The following RAB10 variants were observed in gnomAD, a reference collection of about 807,000 sequenced individuals.
RAB10 encodes RAB10, member RAS oncogene family.
Under a neutral mutation model 25.7 loss-of-function variants are expected in RAB10, and 5 were observed. The ratio of observed to expected loss-of-function variants is 0.19; its 90% CI spans 0.10 to 0.41. The LOEUF (loss-of-function observed/expected upper bound fraction) is 0.41, where lower values mean the gene tolerates loss of function less well. Ranked by LOEUF, RAB10 falls within the 10% of genes least tolerant of loss-of-function variation. The pLI, the probability that RAB10 is intolerant of heterozygous loss-of-function variation, is 1.00. For missense variants in RAB10, 103 were observed against 245.8 expected (o/e 0.42, Z 3.89); for synonymous variants, 89 against 86.4 (o/e 1.03, Z -0.16).
At chr2:26,084,956 T>A (rs1232675143) in intron 1 of RAB10, among the ~76,000 whole-genome samples, 1 of 152,290 alleles carries the variant, frequency 6.6e-6, no homozygotes, top group East Asian at 1.9e-4. Context: ...GTATATTGCA[T>A]TGTACTAGAA....
At chr2:26,043,493 A>G (rs1665934496) in intron 1 of RAB10, among the ~76,000 whole-genome samples, 1 of 152,248 alleles carries the variant, frequency 6.6e-6, no homozygotes, top group Non-Finnish European at 1.5e-5. Context: ...ATTATGCACG[A>G]TAGCTGAAAG....
At chr2:26,037,787 G>A (rs905191097) in intron 1 of RAB10, among the ~76,000 whole-genome samples, 2 of 152,188 alleles carry the variant, frequency 1.3e-5, no homozygotes, top group Non-Finnish European at 2.9e-5. Flanking sequence ...TATAGAATAT[G>A]TGACTCTTCT....
At chr2:26,052,305 G>A (rs1666155537) in intron 1 of RAB10, among the ~76,000 whole-genome samples, 1 of 151,866 alleles carries the variant, frequency 6.6e-6, no homozygotes, top group Non-Finnish European at 1.5e-5. Flanking sequence ...TAGACTGCTT[G>A]AGCCTGGGAG....
At chr2:26,060,889 C>T (rs2149267020) in intron 1 of RAB10, among the ~76,000 whole-genome samples, 1 of 152,024 alleles carries the variant, frequency 6.6e-6, no homozygotes, top group East Asian at 1.9e-4. Flanking sequence ...GGCTACAGAG[C>T]TTCCATTTTG....
intron 1 of RAB10, among the ~76,000 whole-genome samples, chr2:26,063,298 C>T (rs1381418134): frequency 6.6e-6 from 1 of 152,150 alleles, no homozygotes; most frequent in Non-Finnish European, 1.5e-5. Context: ...TTTTCCCTTT[C>T]AGCTTTTTAT....
chr2:26,124,256 C>T (rs958890638), intron 3 of RAB10, among the ~76,000 whole-genome samples: 1 of 150,998 alleles, frequency 6.6e-6, no homozygotes, highest in Non-Finnish European at 1.5e-5. Context: ...GTTCAAGGGT[C>T]AACTGTATGT....
intron 5 of RAB10, among the ~76,000 whole-genome samples, chr2:26,131,287 TCA>T (rs911869458): frequency 2.0e-5 from 3 of 152,064 alleles, no homozygotes; most frequent in East Asian, 1.9e-4. Flanking sequence ...GAAAAAAAAA[TCA>T]CACACAACAA....
At chr2:26,093,896 T>C (rs530119426) in intron 1 of RAB10, among the ~76,000 whole-genome samples, 1 of 152,318 alleles carries the variant, frequency 6.6e-6, no homozygotes, top group African/African-American at 2.4e-5. Flanking sequence ...TTTTCTCATG[T>C]TTTTTATTTA....
intron 5 of RAB10, among the ~76,000 whole-genome samples, chr2:26,132,649 C>T (rs1668032384): frequency 6.6e-6 from 1 of 151,796 alleles, no homozygotes; most frequent in Non-Finnish European, 1.5e-5. Flanking sequence ...GGTTATTGGC[C>T]TTTTCTTATT....
intron 1 of RAB10, among the ~76,000 whole-genome samples, chr2:26,077,416 TTCA>T (rs975331565): frequency 3.9e-5 from 6 of 152,230 alleles, no homozygotes; most frequent in African/African-American, 1.4e-4. Context: ...TACTGTGGAA[TTCA>T]TCAGATTTCT....
At chr2:26,116,557 T>G (rs1409838721) in intron 3 of RAB10, among the ~76,000 whole-genome samples, 1 of 124,240 alleles carries the variant, frequency 8.0e-6, no homozygotes. Flanking sequence ...TGTTTTTTTT[T>G]TTTTTTTTTT....
At chr2:26,108,879 A>ATTTTTATTTATTTATTTATT (rs1212667172) in intron 2 of RAB10, among the ~76,000 whole-genome samples, 2 of 139,564 alleles carry the variant, frequency 1.4e-5, no homozygotes, top group South Asian at 2.3e-4. Context: ...CTTTTGCTTT[A>ATTTTTATTTATTTATTTATT]TATTTATTTA....
intron 2 of RAB10, among the ~76,000 whole-genome samples, chr2:26,100,313 A>G (rs1326155914): frequency 6.6e-6 from 1 of 152,118 alleles, no homozygotes; most frequent in African/African-American, 2.4e-5. Context: ...TGCTTTCAAA[A>G]CTACTCTCTT....
chr2:26,085,848 A>C (rs1352597685), intron 1 of RAB10, among the ~76,000 whole-genome samples: 2 of 151,578 alleles, frequency 1.3e-5, no homozygotes, highest in Non-Finnish European at 2.9e-5. Context: ...AATACAAAAA[A>C]ATTAGCTGGG....
chr2:26,085,935 G>A (rs1366158817), intron 1 of RAB10, among the ~76,000 whole-genome samples: 1 of 141,214 alleles, frequency 7.1e-6, no homozygotes, highest in African/African-American at 2.6e-5. Flanking sequence ...GGAGGCAGAG[G>A]TTTCAGTGAG....
rs757136839 is a variant in RAB10 at position 26,034,644 on chromosome 2, G to A, written c.36G>A (p.Leu12=). ...AKKTYDLLFK[L]LLIGDSGVGK... ...AGACGTACGACCTGCTTTTCAAGCT[G>A]CTCCTGATCGGGGATTCCGGAGTGG... Residue 12 remains leucine, a synonymous_variant, in exon 1 of 6, where the codon CTG becomes CTA. Coordinates refer to ENST00000264710, the MANE Select transcript of RAB10 (RefSeq NM_016131.5). 2 of 1,614,194 alleles carry A rather than the reference G, an allele frequency of 1.2e-6. No homozygotes were observed. The highest frequency in any genetic ancestry group is 1.7e-6 in the Non-Finnish European group (2 of 1,180,058).
chr2:26,136,965 CTGT>C lies in RAB10; in HGVS notation c.*1949_*1951del, dbSNP rs1668123795. 1 of 152,626 alleles carries C rather than the reference CTGT, an allele frequency of 6.6e-6. No individual in the cohort carries two copies. The highest frequency in any genetic ancestry group is 2.1e-4 in the South Asian group (1 of 4,834). 9.5% of individuals were successfully genotyped at this position (152,626 alleles called of 1,614,324 possible). The stretch of plus-strand genomic sequence containing the variant: ...TTTTGAAAAGTTTAGGTTAAACCTA[CTGT>C]TGTTAGATTAATGTATTTGTTGCTT... On this transcript the variant is annotated 3_prime_UTR_variant, in exon 6 of 6. Coordinates refer to ENST00000264710, the MANE Select transcript of RAB10 (RefSeq NM_016131.5).
intron 1 of RAB10, among the ~76,000 whole-genome samples, chr2:26,037,630 ACT>A (rs992999553): frequency 6.6e-6 from 1 of 150,822 alleles, no homozygotes; most frequent in Non-Finnish European, 1.5e-5. Context: ...CAAGAGTGAA[ACT>A]CTGTCTCAAA....
intron 1 of RAB10, among the ~76,000 whole-genome samples, chr2:26,084,188 T>G (rs1170808860): frequency 6.6e-6 from 1 of 152,208 alleles, no homozygotes; most frequent in Admixed American, 6.5e-5. Context: ...TGCTCAAATA[T>G]CTCTCAGTGC....
Sources: gnomAD v4.1 joint callset for allele counts (sites outside exome capture counted in the v4.1 genomes callset) on GRCh38, gnomAD v4.1.1 for gene constraint, MANE v1.5 for transcripts, NCBI Gene and HGNC (gene_info 2026-07-23, HGNC 2026-07-21) for gene names.